Variants in INPP5A observed in about 807,000 individuals in gnomAD.
INPP5A encodes inositol polyphosphate-5-phosphatase A, also known as 43 kDa inositol polyphosphate 5-phophatase.
INPP5A carries 14 observed loss-of-function variants against 65.2 expected under a neutral mutation model. The observed-to-expected ratio is 0.21, with a 90% CI of 0.14 to 0.34. The LOEUF is 0.34. Among genes scored for constraint, INPP5A ranks in the 10% least tolerant of loss-of-function variants. The pLI is 1.00. For synonymous variants in INPP5A, 207 were observed against 208.3 expected, an observed-to-expected ratio of 0.99 and a Z score of 0.05; for missense variants, 431 against 545.6, an observed-to-expected ratio of 0.79 and a Z score of 2.09.
chr10:132,718,553 C>T (rs563670365), intron 8 of INPP5A, among the ~76,000 whole-genome samples: 55 of 148,500 alleles, frequency 3.7e-4, no homozygotes, highest in Middle Eastern at 3.7e-3. Context: ...GCACCTTAGA[C>T]GACTGTCTTC....
At chr10:132,689,779 G>A (rs555385171) in intron 4 of INPP5A, among the ~76,000 whole-genome samples, 1 of 152,346 alleles carries the variant, frequency 6.6e-6, no homozygotes, top group African/African-American at 2.4e-5. Context: ...GTCCAGCCGC[G>A]TACTTTTGCC....
chr10:132,730,260 G>T (rs1169110875), intron 9 of INPP5A, among the ~76,000 whole-genome samples: 4 of 152,194 alleles, frequency 2.6e-5, no homozygotes. Context: ...CCCCTTTCTG[G>T]GCTCCACGGG....
At chr10:132,609,226 G>A (rs995266430) in intron 2 of INPP5A, among the ~76,000 whole-genome samples, 9 of 152,208 alleles carry the variant, frequency 5.9e-5, no homozygotes, top group Non-Finnish European at 8.8e-5. Flanking sequence ...TTTACAAATC[G>A]AAATAATAGA....
intron 9 of INPP5A, among the ~76,000 whole-genome samples, chr10:132,728,537 G>A (rs112961368): frequency 2.0e-5 from 3 of 152,354 alleles, no homozygotes; most frequent in East Asian, 3.9e-4. Context: ...CGGCATTTCC[G>A]GCAGGTCTGG....
chr10:132,739,203 C>G (rs1846230355), intron 9 of INPP5A, among the ~76,000 whole-genome samples: 1 of 152,246 alleles, frequency 6.6e-6, no homozygotes, highest in South Asian at 2.1e-4. Context: ...AGGAAATTGG[C>G]ACCATGGCAC....
chr10:132,739,834 G>A (rs1430118002), intron 9 of INPP5A, among the ~76,000 whole-genome samples: 2 of 152,210 alleles, frequency 1.3e-5, no homozygotes, highest in African/African-American at 2.4e-5. Context: ...CAGCAGAGGC[G>A]TCTTCTAGGG....
intron 4 of INPP5A, among the ~76,000 whole-genome samples, chr10:132,679,620 G>A (rs1337520730): frequency 6.6e-6 from 1 of 152,196 alleles, no homozygotes; most frequent in Admixed American, 6.5e-5. Context: ...TTGGAGGAGG[G>A]TGGAGGGCGT....
chr10:132,566,186 G>T (rs1468685555), intron 1 of INPP5A, among the ~76,000 whole-genome samples: 1 of 152,192 alleles, frequency 6.6e-6, no homozygotes, highest in Non-Finnish European at 1.5e-5. Context: ...TGCAAGGTAT[G>T]CATGATGAAA....
At chr10:132,688,650 T>C (rs573155680) in intron 4 of INPP5A, among the ~76,000 whole-genome samples, 86 of 150,998 alleles carry the variant, frequency 5.7e-4, no homozygotes, top group Admixed American at 5.4e-3. Flanking sequence ...CATGAGTGTG[T>C]GTGCAAGTGA....
At chr10:132,541,519 T>A (rs1446714288) in intron 1 of INPP5A, among the ~76,000 whole-genome samples, 2 of 152,214 alleles carry the variant, frequency 1.3e-5, no homozygotes, top group Non-Finnish European at 2.9e-5. Context: ...CCCTTATCCC[T>A]CACTTTCCTA....
At chr10:132,621,248 GCA>G (rs1394733976) in intron 2 of INPP5A, among the ~76,000 whole-genome samples, 5 of 152,204 alleles carry the variant, frequency 3.3e-5, no homozygotes, top group Admixed American at 3.3e-4. Flanking sequence ...CTTCTCCCAT[GCA>G]GTATGGTACT....
chr10:132,585,658 A>G (rs1208093021), intron 1 of INPP5A, among the ~76,000 whole-genome samples: 1 of 152,236 alleles, frequency 6.6e-6, no homozygotes, highest in Non-Finnish European at 1.5e-5. Flanking sequence ...GCCAGGAGCA[A>G]TGATGACAAC....
In INPP5A at chr10:132,782,203, A is replaced by C; in HGVS notation, c.*174A>C. 1 of 897,760 alleles carries C rather than the reference A, an allele frequency of 1.1e-6. No homozygotes were observed. The allele number at this position is 897,760 out of a possible 1,614,324, so 55.6% of individuals were successfully genotyped here. ...CCGGACCATTCCGGAGCAGCCTCAC[A>C]TACCTCACTGTCTCGTCTGTCTATG... On this transcript the variant is annotated 3_prime_UTR_variant, in exon 16 of 16. Coordinates refer to ENST00000368594, the MANE Select transcript of INPP5A (RefSeq NM_005539.5). The surrounding 1 kb of genome is among the most constrained non-coding windows in gnomAD (Gnocchi z 4.4).
chr10:132,639,210 C>A (rs1330223905), intron 2 of INPP5A, among the ~76,000 whole-genome samples: 1 of 152,188 alleles, frequency 6.6e-6, no homozygotes, highest in Non-Finnish European at 1.5e-5. Context: ...AGCAGACCTG[C>A]TGGTGGAACA....
intron 1 of INPP5A, among the ~76,000 whole-genome samples, chr10:132,594,356 G>A (rs918666395): frequency 2.6e-5 from 4 of 152,214 alleles, no homozygotes; most frequent in Admixed American, 6.5e-5. Flanking sequence ...GGTCTAGAAC[G>A]TGTCCATCAC....
chr10:132,679,466 C>G (rs990235830), intron 4 of INPP5A, among the ~76,000 whole-genome samples: 1 of 151,946 alleles, frequency 6.6e-6, no homozygotes, highest in Non-Finnish European at 1.5e-5. Flanking sequence ...ATGGGACAGA[C>G]GGGCCACCCC....
Position 132,565,746 on chromosome 10 carries a change from G to A in INPP5A, c.75+27575G>A, listed in dbSNP as rs940555198. 2.0e-4 allele frequency among the ~76,000 whole-genome samples: 30 copies of A among 149,770 alleles called. No homozygotes were observed. In the South Asian group the frequency reaches 4.7e-3, roughly 23 times the overall value. On this transcript the variant is annotated intron_variant, in intron 1 of 15. Transcript: ENST00000368594. ...GTGTGTGTGTGTGTGTGTGTGCGCC[G>A]TTGTGTGTGGGTCTCCGTGCATGTG...
At position 132,678,206 on chromosome 10, in the gene INPP5A, C is replaced by T. The variant is rs1374357983; in HGVS notation, c.307-12186C>T. ...GACGGTCACAGCCCCCCGTATGCTG[C>T]CTGGGGGTGGCACTGGGGGAAGTGG... On this transcript the variant is annotated intron_variant, in intron 4 of 15. Coordinates refer to ENST00000368594, the MANE Select transcript of INPP5A (RefSeq NM_005539.5). The surrounding 1 kb of genome is among the most constrained non-coding windows in gnomAD (Gnocchi z 4.1). Among the ~76,000 whole-genome samples the T allele has an allele frequency of 6.6e-6, 1 of 152,162 alleles. No individual in the cohort carries two copies. Among genetic ancestry groups the T allele is most frequent in the African/African-American group, 2.4e-5 (1 of 41,444 alleles).
At chr10:132,553,835 G>A (rs2133257916) in intron 1 of INPP5A, among the ~76,000 whole-genome samples, 1 of 145,266 alleles carries the variant, frequency 6.9e-6, no homozygotes, top group East Asian at 2.2e-4. Context: ...GGATAGGGAG[G>A]GAGGATTGGT....
Sources: allele counts gnomAD v4.1 joint callset (sites outside exome capture counted in the v4.1 genomes callset), GRCh38; gene constraint gnomAD v4.1.1; non-coding constraint Gnocchi (gnomAD v3.1); transcripts MANE v1.5; gene names NCBI Gene and HGNC (gene_info 2026-07-23, HGNC 2026-07-21).